PFKFB4: variants seen among roughly 807,000 people sequenced by gnomAD.
PFKFB4 encodes the protein 6-phosphofructo-2-kinase/fructose-2,6-biphosphatase 4.
Under a neutral mutation model 62.8 loss-of-function variants are expected in PFKFB4, and 42 were observed. That is an observed-to-expected ratio of 0.67 (90% CI 0.52 to 0.86). The LOEUF (loss-of-function observed/expected upper bound fraction) is 0.86. Among genes scored for constraint, PFKFB4 ranks in the 40% least tolerant of loss-of-function variants. The pLI is 0.00. For synonymous variants in PFKFB4, 204 were observed against 240.7 expected, an observed-to-expected ratio of 0.85 and a Z score of 1.41; for missense variants, 475 against 627.2, an observed-to-expected ratio of 0.76 and a Z score of 2.59.
At chr3:48,545,154 CAG>C (rs1160637846) in intron 3 of PFKFB4, among the ~76,000 whole-genome samples, 1 of 148,408 alleles carries the variant, frequency 6.7e-6, no homozygotes, top group African/African-American at 2.5e-5. Flanking sequence ...TTTTTTGAGA[CAG>C]AGTCTCACTT....
chr3:48,532,492 T>A (rs934663626), intron 9 of PFKFB4, among the ~76,000 whole-genome samples: 2 of 152,182 alleles, frequency 1.3e-5, no homozygotes, highest in African/African-American at 4.8e-5. Flanking sequence ...CAAGTGTCCA[T>A]TGGCAGATGA....
At chr3:48,554,650 T>C (rs1014300234) in intron 1 of PFKFB4, among the ~76,000 whole-genome samples, 1 of 152,280 alleles carries the variant, frequency 6.6e-6, no homozygotes, top group South Asian at 2.1e-4. Context: ...GGGGTTGGCT[T>C]GGAGCTGATG....
chr3:48,559,621 A>C (rs1234869011), upstream of PFKFB4: 1 of 456,720 alleles, frequency 2.2e-6, no homozygotes, highest in Admixed American at 2.3e-5. Context: ...TTTCCTCCTC[A>C]GTATATCCGA....
upstream of PFKFB4, chr3:48,562,891 G>C (rs144853688): frequency 2.3e-4 from 368 of 1,603,790 alleles, no homozygotes; most frequent in African/African-American, 4.5e-3. The surrounding 1 kb of genome is among the most constrained non-coding windows in gnomAD (Gnocchi z 4.3). Context: ...GGCCGATGGG[G>C]ACATCCAGCG....
At chr3:48,527,236 C>T (rs1417384089) in intron 9 of PFKFB4, among the ~76,000 whole-genome samples, 1 of 150,778 alleles carries the variant, frequency 6.6e-6, no homozygotes, top group Middle Eastern at 3.5e-3. Flanking sequence ...TGCTTTGTTA[C>T]GGCAGCCCTA....
chr3:48,525,233 C>A, intron 10 of PFKFB4, among the ~76,000 whole-genome samples: 1 of 152,266 alleles, frequency 6.6e-6, no homozygotes, highest in South Asian at 2.1e-4. Context: ...AGCCTAACTC[C>A]GCAGATCCCC....
intron 9 of PFKFB4, 77 bp downstream of exon 9, chr3:48,535,435 G>T: frequency 1.6e-6 from 2 of 1,288,306 alleles, no homozygotes; most frequent in South Asian, 1.3e-5. Flanking sequence ...GGGGAGCAAT[G>T]GTCACTGTTG....
rs750277411 is a variant in PFKFB4 at position 48,519,720 on chromosome 3, C to T, written c.*27G>A. ...CCCCCTCTGCAGAGAGCAGTGCCTG[C>T]CTAGTGGTCACAGTGGATGAACATG... On this transcript the variant is annotated 3_prime_UTR_variant, in exon 14 of 14. Coordinates refer to ENST00000232375, the MANE Select transcript of PFKFB4 (RefSeq NM_004567.4). 5 of 1,584,280 alleles carry T rather than the reference C, an allele frequency of 3.2e-6. No individual in the cohort carries two copies. In the African/African-American group the frequency reaches 6.7e-5, roughly 21 times the overall value.
Position 48,525,555 on chromosome 3 carries a change from TC to T in PFKFB4, c.1092+9del. 2 of 1,505,858 alleles carry T rather than the reference TC, an allele frequency of 1.3e-6. No individual in the cohort carries two copies. Among genetic ancestry groups the T allele is most frequent in the East Asian group, 2.4e-5 (1 of 41,530 alleles). The allele number at this position is 1,505,858 out of a possible 1,614,324, so 93.3% of individuals were successfully genotyped here. A position where few individuals can be genotyped will look rare whatever the true frequency, so the allele number is the denominator to read the frequency against. Reference sequence around the variant, plus strand: ...TAGGTGGCTGGGACTAAGCCCCAAATCCCACCTACCTCCCCTTTAGGGTACC... The same window carrying T: ...TAGGTGGCTGGGACTAAGCCCCAAATCCACCTACCTCCCCTTTAGGGTACC... On this transcript the variant is annotated intron_variant, in intron 10 of 13. Coordinates refer to ENST00000232375, the MANE Select transcript of PFKFB4 (RefSeq NM_004567.4).
At chr3:48,550,334 G>A (rs1306076940) in intron 1 of PFKFB4, 100 bp from the exon 2 acceptor site, 7 of 768,556 alleles carry the variant, frequency 9.1e-6, no homozygotes, top group Non-Finnish European at 1.6e-5. Context: ...CATGGGACTG[G>A]CATCAGACGT....
chr3:48,525,469 C>T (rs2042226045), intron 10 of PFKFB4, 96 bp downstream of exon 10: 2 of 603,302 alleles, frequency 3.3e-6, no homozygotes, highest in Admixed American at 3.2e-5. Context: ...TTCTGCTACC[C>T]ACGCAGCCCC....
intron 1 of PFKFB4, among the ~76,000 whole-genome samples, chr3:48,553,516 G>A (rs895843717): frequency 2.0e-5 from 3 of 152,156 alleles, no homozygotes; most frequent in African/African-American, 2.4e-5. Flanking sequence ...GAGCATGTGC[G>A]GAAGGAAATG....
At chr3:48,535,163 C>T (rs768696652) in intron 9 of PFKFB4, among the ~76,000 whole-genome samples, 5 of 152,182 alleles carry the variant, frequency 3.3e-5, no homozygotes, top group Non-Finnish European at 7.3e-5. Context: ...ATTTGTGTCT[C>T]CAGATCCCTG....
At chr3:48,562,869 A>G (rs2043456945), upstream of PFKFB4, 1 of 1,597,526 alleles carries the variant, frequency 6.3e-7, no homozygotes, top group South Asian at 1.1e-5. This position sits in a 1 kb window ranked among gnomAD's most constrained non-coding sequence, Gnocchi z 4.3. Context: ...TGCTCCAGTA[A>G]GATCTGCAAG....
chr3:48,543,099 T>G (rs1375581458), intron 4 of PFKFB4, among the ~76,000 whole-genome samples: 1 of 152,130 alleles, frequency 6.6e-6, no homozygotes, highest in Admixed American at 6.5e-5. Context: ...TGTTTGACTA[T>G]ATAAGGCTGG....
intron 3 of PFKFB4, 114 bp from the exon 4 acceptor site, chr3:48,543,760 C>G (rs749822834): frequency 7.8e-6 from 6 of 768,390 alleles, no homozygotes; most frequent in African/African-American, 1.7e-5. Context: ...CCCGAGGTCT[C>G]TTGCTCTCTT....
upstream of PFKFB4, chr3:48,556,858 T>TGGGCCCCGCCCCTC (rs2043342129): frequency 1.3e-6 from 2 of 1,495,834 alleles, no homozygotes; most frequent in Non-Finnish European, 8.9e-7. The surrounding 1 kb of genome is among the most constrained non-coding windows in gnomAD (Gnocchi z 5.7). Context: ...TCCCGCCCCT[T>TGGGCCCCGCCCCTC]GGGCCCCGCC....
chr3:48,544,412 A>G (rs2042897695), intron 3 of PFKFB4, among the ~76,000 whole-genome samples: 1 of 145,072 alleles, frequency 6.9e-6, no homozygotes, highest in African/African-American at 2.6e-5. Flanking sequence ...CCCACCTATG[A>G]CCAAACACTG....
chr3:48,520,368 G>T (rs759236346), intron 13 of PFKFB4, among the ~76,000 whole-genome samples: 1 of 152,136 alleles, frequency 6.6e-6, no homozygotes, highest in African/African-American at 2.4e-5. Context: ...TTGGCCTGTC[G>T]GGCTCAGGGA....
Sources: allele counts gnomAD v4.1 joint callset (sites outside exome capture counted in the v4.1 genomes callset), GRCh38; gene constraint gnomAD v4.1.1; non-coding constraint Gnocchi (gnomAD v3.1); transcripts MANE v1.5; gene names NCBI Gene and HGNC (gene_info 2026-07-23, HGNC 2026-07-21).